NAF1: variants seen among roughly 807,000 people sequenced by gnomAD.
NAF1 encodes the protein nuclear assembly factor 1 ribonucleoprotein.
A neutral mutation model predicts 40.6 loss-of-function variants in NAF1; 11 were observed. That is an observed-to-expected ratio of 0.27 (90% CI 0.17 to 0.45). The LOEUF is 0.45. Among genes scored for constraint, NAF1 ranks in the 20% least tolerant of loss-of-function variants. The probability of loss-of-function intolerance (pLI) is 1.00; values close to 1 mark genes in which losing one functional copy is unlikely to be tolerated. For missense variants in NAF1, 607 were observed against 611.1 expected (o/e 0.99, Z 0.07); for synonymous variants, 260 against 228.5 (o/e 1.14, Z -1.24).
chr4:163,134,346 T>C (rs1730978735), intron 6 of NAF1, among the ~76,000 whole-genome samples: 2 of 152,214 alleles, frequency 1.3e-5, no homozygotes, highest in Non-Finnish European at 1.5e-5. Context: ...TTCACTGGAA[T>C]ACATTCTAGA....
chr4:163,124,361 G>A (rs1457926524), downstream of NAF1, among the ~76,000 whole-genome samples: 1 of 152,120 alleles, frequency 6.6e-6, no homozygotes, highest in Non-Finnish European at 1.5e-5. Context: ...TGAGACTGAA[G>A]AGCAAAATGG....
rs190976637 is a variant in NAF1 at position 163,137,068 on chromosome 4, G to C, written c.930+131C>G. On this transcript the variant is annotated intron_variant, in intron 6 of 7. Coordinates refer to ENST00000274054, the MANE Select transcript of NAF1 (RefSeq NM_138386.3). ...TCTAGGACGGTGAGAGAATACATGC[G>C]CTAGGACAGGATAAGGCAGTATGGC... The C allele has an allele frequency of 1.5e-5, 14 of 955,246 alleles. No homozygotes were observed. The African/African-American group carries it at 2.2e-4, about 15-fold the overall frequency. The allele number at this position is 955,246 out of a possible 1,614,324, so 59.2% of individuals were successfully genotyped here. A position where few individuals can be genotyped will look rare whatever the true frequency, so the allele number is the denominator to read the frequency against.
At chr4:163,108,739 G>A (rs1038139352), downstream of NAF1, 3 of 151,860 alleles carry the variant, frequency 2.0e-5, no homozygotes, top group African/African-American at 7.3e-5. Flanking sequence ...GTTAACACAG[G>A]CAAAAATACA....
chr4:163,137,359 T>C, intron 5 of NAF1, 109 bp from the exon 6 acceptor site: 1 of 1,189,778 alleles, frequency 8.4e-7, no homozygotes, highest in South Asian at 1.6e-5. Flanking sequence ...AGTTCAACCT[T>C]TAATTTTGCA....
intron 2 of NAF1, 149 bp downstream of exon 2, chr4:163,164,068 A>G: frequency 9.9e-7 from 1 of 1,006,814 alleles, no homozygotes; most frequent in East Asian, 3.8e-5. Context: ...TCTTTTACAT[A>G]AGAAAGCCAA....
intron 4 of NAF1, among the ~76,000 whole-genome samples, chr4:163,142,266 C>A (rs1287999712): frequency 6.6e-6 from 1 of 152,216 alleles, no homozygotes; most frequent in Non-Finnish European, 1.5e-5. Context: ...AATTCTCTCA[C>A]ATATACACAA....
chr4:163,154,297 G>C (rs1433212553), intron 2 of NAF1, among the ~76,000 whole-genome samples: 2 of 152,184 alleles, frequency 1.3e-5, no homozygotes, highest in Non-Finnish European at 2.9e-5. Context: ...GTTGCCTCTT[G>C]ATAGTAACAA....
intron 6 of NAF1, 132 bp downstream of exon 6, chr4:163,137,067 C>T (rs1413030890): frequency 9.5e-6 from 9 of 950,478 alleles, no homozygotes; most frequent in Middle Eastern, 3.2e-4. Context: ...AGAATACATG[C>T]GCTAGGACAG....
chr4:163,120,977 C>T lies in NAF1; in HGVS notation c.115-10687G>A, dbSNP rs181525963. ...AGCGATCTAGGCTCACTGCAACCTC[C>T]GCCTCTCGGGTTCAAGCAATTCTCC... On this transcript the variant is annotated intron_variant, in intron 2 of 2. Coordinates refer to the NAF1 transcript ENST00000509434. Among the ~76,000 whole-genome samples, 16 of 152,176 alleles carry T rather than the reference C, an allele frequency of 1.1e-4. No homozygotes were observed. The East Asian group carries it at 2.7e-3, about 26-fold the overall frequency.
intron 2 of NAF1, among the ~76,000 whole-genome samples, chr4:163,160,907 T>G (rs575617814): frequency 1.9e-4 from 28 of 145,908 alleles, no homozygotes; most frequent in African/African-American, 6.9e-4. Context: ...CTCTGCTGCC[T>G]AAAAGTCTAA....
At chr4:163,117,802 C>T (rs1268767948) in intron 2 of NAF1, among the ~76,000 whole-genome samples, 2 of 151,996 alleles carry the variant, frequency 1.3e-5, no homozygotes, top group African/African-American at 2.4e-5. Context: ...CATGGATACA[C>T]TCTTACTGAA....
At chr4:163,112,153 T>C (rs1730179580) in intron 2 of NAF1, among the ~76,000 whole-genome samples, 2 of 150,784 alleles carry the variant, frequency 1.3e-5, no homozygotes, top group Admixed American at 1.3e-4. Context: ...ATGAGAGAGA[T>C]AATAGCGATT....
chr4:163,138,959 A>G (rs1434973093), intron 5 of NAF1, among the ~76,000 whole-genome samples: 1 of 152,106 alleles, frequency 6.6e-6, no homozygotes, highest in Non-Finnish European at 1.5e-5. Flanking sequence ...TATTTAATTC[A>G]TCTTTCTTGT....
rs559722868 is a variant in NAF1, at chr4:163,147,590, CAT to C, written c.634+749_634+750del. On this transcript the variant is annotated intron_variant, in intron 3 of 7. Transcript: ENST00000274054. Reference sequence around the variant, plus strand: ...AGTATTAAATTACAAAACTTTCTCACATGTTTTTAAGACAAAATCAAAGGTGG... The same window carrying C: ...AGTATTAAATTACAAAACTTTCTCACGTTTTTAAGACAAAATCAAAGGTGG... Among the ~76,000 whole-genome samples the C allele has an allele frequency of 2.1e-4, 32 of 152,276 alleles. 1 individual carries two copies. In the South Asian group the frequency reaches 3.1e-3, roughly 15 times the overall value.
chr4:163,145,632 C>T (rs1193511271), intron 4 of NAF1, 150 bp downstream of exon 4: 1 of 592,724 alleles, frequency 1.7e-6, no homozygotes, highest in African/African-American at 1.9e-5. Context: ...ATATGAAGTA[C>T]TAAAGGAAAT....
chr4:163,152,577 C>T (rs1392501804), intron 2 of NAF1, among the ~76,000 whole-genome samples: 1 of 152,168 alleles, frequency 6.6e-6, no homozygotes, highest in Non-Finnish European at 1.5e-5. Context: ...TCTGATTTTG[C>T]GTAGAACCAA....
At chr4:163,133,713 A>G in intron 6 of NAF1, 1 of 153,826 alleles carries the variant, frequency 6.5e-6, no homozygotes, top group Non-Finnish European at 1.4e-5. Context: ...TATTTTTTAA[A>G]TATAATTTTA....
intron 3 of NAF1, 56 bp from the exon 4 acceptor site, chr4:163,145,920 A>C: frequency 1.1e-6 from 1 of 913,278 alleles, no homozygotes; most frequent in Non-Finnish European, 1.7e-6. Flanking sequence ...GTAGAATTTT[A>C]ATGAAAATCT....
At chr4:163,127,123 A>T, downstream of NAF1, 1 of 1,549,774 alleles carries the variant, frequency 6.5e-7, no homozygotes, top group Non-Finnish European at 8.7e-7. Flanking sequence ...TACCTGGGGT[A>T]AAGAAATGGA....
Sources: allele counts gnomAD v4.1 joint callset (sites outside exome capture counted in the v4.1 genomes callset), GRCh38; gene constraint gnomAD v4.1.1; transcripts MANE v1.5; gene names NCBI Gene and HGNC (gene_info 2026-07-23, HGNC 2026-07-21).